IL18BP: variants seen among roughly 807,000 people sequenced by gnomAD.
The protein encoded by IL18BP is interleukin 18 binding protein.
In IL18BP, 23 loss-of-function variants were observed where a neutral mutation model predicts 19.9. The observed-to-expected ratio is 1.15, with a 90% CI of 0.83 to 1.64. The LOEUF is 1.64. IL18BP is among the 40% of genes most tolerant of loss of function. The pLI is 0.00. For missense variants in IL18BP, 239 were observed against 240.7 expected (o/e 0.99, Z 0.05); for synonymous variants, 107 against 101.0 (o/e 1.06, Z -0.35).
downstream of IL18BP, chr11:72,007,127 A>G: frequency 6.3e-7 from 1 of 1,586,672 alleles, no homozygotes; most frequent in Non-Finnish European, 8.5e-7. Context: ...TGCCCAGTGC[A>G]AAGATGCCCT....
At chr11:71,999,222 C>T in intron 1 of IL18BP, 1 of 477,614 alleles carries the variant, frequency 2.1e-6, no homozygotes, top group South Asian at 1.5e-5. Flanking sequence ...ACTTGGGGTT[C>T]CCCAGTGCCT....
At chr11:71,999,611 TCC>T (rs2134238391) in intron 1 of IL18BP, 1 of 250,972 alleles carries the variant, frequency 4.0e-6, no homozygotes, top group African/African-American at 2.2e-5. Flanking sequence ...ATCCTGCCCT[TCC>T]CAGAAGCAGC....
chr11:72,004,918 G>A (rs72956179), downstream of IL18BP: 5,656 of 1,193,486 alleles, frequency 4.7e-3, 21 homozygotes, highest in Non-Finnish European at 5.9e-3. Context: ...ACTTATGGTC[G>A]GGACCCTTCC....
chr11:72,000,582 G>A, intron 3 of IL18BP, 25 bp downstream of exon 3: 1 of 1,593,978 alleles, frequency 6.3e-7, no homozygotes, highest in Non-Finnish European at 8.5e-7. Flanking sequence ...GGTGGAGGGT[G>A]GGCTATGGGC....
downstream of IL18BP, among the ~76,000 whole-genome samples, chr11:72,006,954 G>C (rs1404068175): frequency 6.6e-6 from 1 of 152,228 alleles, no homozygotes. Context: ...TCAGTGCTAC[G>C]CATGGAGAGA....
downstream of IL18BP, chr11:72,006,278 G>C (rs778048450): frequency 2.5e-6 from 4 of 1,608,594 alleles, no homozygotes; most frequent in African/African-American, 1.3e-5. Flanking sequence ...AAGACAGAGT[G>C]AATCTGTTGC....
downstream of IL18BP, chr11:72,003,161 C>G (rs1013859545): frequency 9.6e-6 from 3 of 311,166 alleles, no homozygotes; most frequent in African/African-American, 4.2e-5. Flanking sequence ...CCAGGGCCTA[C>G]TCCTCTTATG....
Position 71,999,734 on chromosome 11 carries a change from G to C in IL18BP, c.-58-193G>C, listed in dbSNP as rs117294029. 309 of 532,400 alleles carry C rather than the reference G, an allele frequency of 5.8e-4. 3 individuals are homozygous for C. In the East Asian group the frequency reaches 9.8e-3, roughly 17 times the overall value. 33.0% of individuals were successfully genotyped at this position (532,400 alleles called of 1,614,324 possible). ...GAAGGGGTAAGATTGGACTAGGTAAGCATCTTACAACCATTTGTGGTCATG... is the reference window on the plus strand; with the variant it reads ...GAAGGGGTAAGATTGGACTAGGTAACCATCTTACAACCATTTGTGGTCATG... On this transcript the variant is annotated intron_variant, in intron 1 of 5. Transcript: ENST00000393703.
At chr11:72,003,529 A>G (rs775165989), downstream of IL18BP, 1 of 1,614,106 alleles carries the variant, frequency 6.2e-7, no homozygotes, top group Admixed American at 1.7e-5. Flanking sequence ...CTGGCCCTTT[A>G]GTGCTTTGCC....
At chr11:72,007,489 T>C, downstream of IL18BP, 1 of 1,596,038 alleles carries the variant, frequency 6.3e-7, no homozygotes, top group Non-Finnish European at 8.5e-7. Context: ...AGGCATTTTG[T>C]CCAGCCCTTT....
In IL18BP at chr11:72,001,188, C is replaced by G. The variant is rs779364841; in HGVS notation, c.236-13C>G. The G allele has an allele frequency of 6.2e-7, 1 of 1,614,000 alleles. No individual in the cohort carries two copies. The highest frequency in any genetic ancestry group is 8.5e-7 in the Non-Finnish European group (1 of 1,179,924). The stretch of plus-strand genomic sequence containing the variant: ...TGCTCTTCTGAAGAGCTAACTGCTG[C>G]CTGTGTCCCTAGATGGAACGCTGAG... On this transcript the variant is annotated splice_polypyrimidine_tract_variant and intron_variant, in intron 3 of 5. Transcript: ENST00000393703.
intron 1 of IL18BP, 87 bp downstream of exon 1, chr11:71,999,106 G>T (rs1399556120): frequency 2.0e-6 from 1 of 511,588 alleles, no homozygotes; most frequent in Non-Finnish European, 3.9e-6. Context: ...GATGGTGGGT[G>T]CTGGGAGATG....
Position 72,002,700 on chromosome 11 carries a change from G to A in IL18BP, c.*839G>A, listed in dbSNP as rs1021135182. The A allele has an allele frequency of 7.7e-4, 136 of 176,288 alleles. No homozygotes were observed. The highest frequency in any genetic ancestry group is 2.9e-3 in the African/African-American group (123 of 42,332). 10.9% of individuals were successfully genotyped at this position (176,288 alleles called of 1,614,324 possible). A position where few individuals can be genotyped will look rare whatever the true frequency, so the allele number is the denominator to read the frequency against. ...GAGAGAACAGCCCATAATGCTCCCC[G>A]GGAGCAGAGGCCACTAATGGAGAGT... On this transcript the variant is annotated 3_prime_UTR_variant, in exon 6 of 6. Coordinates refer to ENST00000393703, the MANE Select transcript of IL18BP (RefSeq NM_001039660.2).
At chr11:72,007,274 A>G, downstream of IL18BP, 11 of 1,613,250 alleles carry the variant, frequency 6.8e-6, no homozygotes, top group Non-Finnish European at 9.3e-6. Context: ...GACGTCTCCC[A>G]GGGAGTCCAG....
In IL18BP at chr11:72,001,834, C is replaced by G. The variant is rs778975212; in HGVS notation, c.558C>G (p.Ser186Arg). ...CCACCCAAGAAGCCCTGCCCTCCAGCCACAGCAGTCCACAGCAGCAGGGTT... is the reference window on the plus strand; with the variant it reads ...CCACCCAAGAAGCCCTGCCCTCCAGGCACAGCAGTCCACAGCAGCAGGGTT... Reference protein sequence around the residue: ...LPPTQEALPSSHSSPQQQG With the variant: ...LPPTQEALPSRHSSPQQQG Residue 186 changes from serine to arginine, a missense_variant, in exon 6 of 6, where the codon AGC becomes AGG. Coordinates refer to ENST00000393703, the MANE Select transcript of IL18BP (RefSeq NM_001039660.2). 1.2e-6 allele frequency: 2 copies of G among 1,614,166 alleles called. No individual in the cohort carries two copies. The highest frequency in any genetic ancestry group is 3.3e-5 in the Admixed American group (2 of 60,028).
At chr11:72,004,403 T>A, downstream of IL18BP, 1 of 1,467,220 alleles carries the variant, frequency 6.8e-7, no homozygotes, top group Non-Finnish European at 9.5e-7. Context: ...AAGCCAGGTG[T>A]CTTGTCCTCT....
Position 72,002,010 on chromosome 11 carries a change from A to G in IL18BP, c.*149A>G. ...TCTGCTTTGGGTCCCTTCTCTCACCAAATTCAAACTCCATTCCCACCTACC... is the reference window on the plus strand; with the variant it reads ...TCTGCTTTGGGTCCCTTCTCTCACCGAATTCAAACTCCATTCCCACCTACC... On this transcript the variant is annotated 3_prime_UTR_variant, in exon 6 of 6. Transcript: ENST00000393703. 8.6e-7 allele frequency: 1 copy of G among 1,157,344 alleles called. No individual in the cohort carries two copies. The highest frequency in any genetic ancestry group is 1.5e-5 in the South Asian group (1 of 64,794). 71.7% of individuals were successfully genotyped at this position (1,157,344 alleles called of 1,614,324 possible).
chr11:72,003,800 C>T, downstream of IL18BP: 2 of 1,399,468 alleles, frequency 1.4e-6, no homozygotes, highest in East Asian at 2.4e-5. Flanking sequence ...TGGCGTGGCC[C>T]CATCTTGGAT....
At position 72,002,081 on chromosome 11, in the gene IL18BP, T is replaced by C. The variant is rs897724011; in HGVS notation, c.*220T>C. Reference sequence around the variant, plus strand: ...ATAATGCCTCCTCCTCCTGCCATTCTCTCTCCACCTATCCATTAGCCTTCC... The same window carrying C: ...ATAATGCCTCCTCCTCCTGCCATTCCCTCTCCACCTATCCATTAGCCTTCC... On this transcript the variant is annotated 3_prime_UTR_variant, in exon 6 of 6. Coordinates refer to ENST00000393703, the MANE Select transcript of IL18BP (RefSeq NM_001039660.2). 1.2e-5 allele frequency: 8 copies of C among 644,044 alleles called. No homozygotes were observed. Among genetic ancestry groups the C allele is most frequent in the African/African-American group, 3.7e-5 (2 of 54,418 alleles). The allele number at this position is 644,044 out of a possible 1,614,324, so 39.9% of individuals were successfully genotyped here.
Sources: allele counts gnomAD v4.1 joint callset (sites outside exome capture counted in the v4.1 genomes callset), GRCh38; gene constraint gnomAD v4.1.1; transcripts MANE v1.5; gene names NCBI Gene and HGNC (gene_info 2026-07-23, HGNC 2026-07-21).